The following GUCY1A1 variants were observed in gnomAD, a reference collection of about 807,000 sequenced individuals.
GUCY1A1 encodes guanylate cyclase soluble subunit alpha-1.
A neutral mutation model predicts 64.5 loss-of-function variants in GUCY1A1; 48 were observed. That is an observed-to-expected ratio of 0.74 (90% CI 0.59 to 0.95). The LOEUF is 0.95. GUCY1A1 is among the 40% of genes least tolerant of loss of function. The pLI is 0.00. For synonymous variants in GUCY1A1, 308 were observed against 303.4 expected, an observed-to-expected ratio of 1.02 and a Z score of -0.16; for missense variants, 804 against 825.3, an observed-to-expected ratio of 0.97 and a Z score of 0.32.
At chr4:155,714,535 C>T (rs575338112) in intron 7 of GUCY1A1, among the ~76,000 whole-genome samples, 2 of 152,276 alleles carry the variant, frequency 1.3e-5, no homozygotes, top group African/African-American at 4.8e-5. Flanking sequence ...ATTTAAATTA[C>T]TTTGCTTTCT....
intron 2 of GUCY1A1, among the ~76,000 whole-genome samples, chr4:155,683,012 A>G (rs914661617): frequency 1.8e-4 from 27 of 152,154 alleles, no homozygotes; most frequent in African/African-American, 6.5e-4. Flanking sequence ...TTGAGTGGCC[A>G]AATGATGGAT....
chr4:155,709,350 T>G (rs1464265715), intron 5 of GUCY1A1, among the ~76,000 whole-genome samples: 1 of 152,238 alleles, frequency 6.6e-6, no homozygotes, highest in Non-Finnish European at 1.5e-5. Flanking sequence ...TGTTAATTCT[T>G]TCTCCTATCT....
At chr4:155,711,293 C>A in intron 6 of GUCY1A1, 42 bp downstream of exon 6, 1 of 1,054,170 alleles carries the variant, frequency 9.5e-7, no homozygotes, top group Non-Finnish European at 1.4e-6. Flanking sequence ...AAAGCTATTT[C>A]ATATTTAAGA....
In GUCY1A1 at chr4:155,730,153, C is replaced by T. The variant is rs1735367245; in HGVS notation, c.1995C>T (p.Asn665=). The T allele has an allele frequency of 1.2e-6, 2 of 1,611,766 alleles. No individual in the cohort carries two copies. The highest frequency in any genetic ancestry group is 1.1e-5 in the South Asian group (1 of 91,022). ...TGGATGCTTACCAACAAGGAACAAA[C>T]TCAAAACCATGCTTCCAAAAGAAAG... The part of the protein sequence containing the change: ...HFLDAYQQGT[N]SKPCFQKKDV... The change falls in exon 10 of 10, where the codon AAC becomes AAT. Residue 665 remains asparagine (N), a synonymous_variant. Coordinates refer to ENST00000506455, the MANE Select transcript of GUCY1A1 (RefSeq NM_001130682.3).
intron 2 of GUCY1A1, among the ~76,000 whole-genome samples, chr4:155,681,588 C>T (rs1402723052): frequency 6.6e-6 from 1 of 152,210 alleles, no homozygotes; most frequent in Non-Finnish European, 1.5e-5. Flanking sequence ...TCCTTACCCT[C>T]TTCAGACTTG....
At chr4:155,679,980 A>G (rs926703283) in intron 2 of GUCY1A1, among the ~76,000 whole-genome samples, 4 of 152,162 alleles carry the variant, frequency 2.6e-5, no homozygotes, top group Admixed American at 2.0e-4. Context: ...TAAGTTTTGA[A>G]GCAGGTATAT....
Position 155,730,494 on chromosome 4 carries a change from C to T in GUCY1A1, c.*263C>T, listed in dbSNP as rs923367102. On this transcript the variant is annotated 3_prime_UTR_variant, in exon 10 of 10. Transcript: ENST00000506455. ...ATATAACCAGCACTTACTACCTGTA[C>T]TCAAAATTCAGCACCTTGTACATAT... 7 of 305,654 alleles carry T rather than the reference C, an allele frequency of 2.3e-5. No individual in the cohort carries two copies. The highest frequency in any genetic ancestry group is 1.8e-4 in the Admixed American group (4 of 21,924). 18.9% of individuals were successfully genotyped at this position (305,654 alleles called of 1,614,324 possible).
In GUCY1A1 at chr4:155,736,597, G is replaced by C. The variant is rs541681547; in HGVS notation, c.*6366G>C. On this transcript the variant is annotated 3_prime_UTR_variant, in exon 10 of 10. Coordinates refer to ENST00000506455, the MANE Select transcript of GUCY1A1 (RefSeq NM_001130682.3). Reference sequence around the variant, plus strand: ...ATAACTGACAAGTCTGTGATTTTTGGGTTAGATGAGACCACTTTTGATTTT... The same window carrying C: ...ATAACTGACAAGTCTGTGATTTTTGCGTTAGATGAGACCACTTTTGATTTT... 28 of 152,016 alleles carry C rather than the reference G, an allele frequency of 1.8e-4. No homozygotes were observed. The highest frequency in any genetic ancestry group is 6.5e-4 in the African/African-American group (27 of 41,498). 9.4% of individuals were successfully genotyped at this position (152,016 alleles called of 1,614,324 possible).
intron 3 of GUCY1A1, among the ~76,000 whole-genome samples, chr4:155,697,329 C>G (rs1037684708): frequency 6.6e-6 from 1 of 152,080 alleles, no homozygotes; most frequent in African/African-American, 2.4e-5. Flanking sequence ...ATCTTGAATT[C>G]TTTTCAAAAG....
At chr4:155,684,530 C>T (rs916392829) in intron 2 of GUCY1A1, among the ~76,000 whole-genome samples, 1 of 152,146 alleles carries the variant, frequency 6.6e-6, no homozygotes, top group African/African-American at 2.4e-5. Flanking sequence ...CCTGACTACC[C>T]ATCAATTACT....
intron 5 of GUCY1A1, among the ~76,000 whole-genome samples, chr4:155,709,077 T>TA (rs1459266952): frequency 6.6e-6 from 1 of 152,164 alleles, no homozygotes; most frequent in African/African-American, 2.4e-5. Flanking sequence ...TAAACAAATT[T>TA]AAAAAAATGA....
intron 6 of GUCY1A1, 143 bp from the exon 7 acceptor site, chr4:155,712,955 T>C (rs1732766823): frequency 1.6e-6 from 1 of 640,192 alleles, no homozygotes; most frequent in Admixed American, 2.9e-5. Context: ...TCATAGAAAA[T>C]AGGAACTATA....
chr4:155,709,512 A>G (rs1732257007), intron 5 of GUCY1A1, among the ~76,000 whole-genome samples: 1 of 152,200 alleles, frequency 6.6e-6, no homozygotes, highest in African/African-American at 2.4e-5. Context: ...TGCAGCTCTA[A>G]GAAACAAGTA....
chr4:155,682,324 T>C (rs1022355968), intron 2 of GUCY1A1, among the ~76,000 whole-genome samples: 2 of 152,332 alleles, frequency 1.3e-5, no homozygotes, highest in Middle Eastern at 3.4e-3. Flanking sequence ...TCTCTATCTT[T>C]ACTTATTCTC....
intron 2 of GUCY1A1, among the ~76,000 whole-genome samples, chr4:155,675,994 T>C (rs938700201): frequency 2.6e-5 from 4 of 151,496 alleles, no homozygotes; most frequent in Non-Finnish European, 5.9e-5. Context: ...TCCTTTGGGT[T>C]GATGCAATCT....
rs1361840188 is a variant in GUCY1A1, at chr4:155,732,075, A to G, written c.*1844A>G. ...CTCTTATTATGGGGAAATAATAGAAATAAAGAAAATGTAAAAGCATGAAAT... is the reference window on the plus strand; with the variant it reads ...CTCTTATTATGGGGAAATAATAGAAGTAAAGAAAATGTAAAAGCATGAAAT... On this transcript the variant is annotated 3_prime_UTR_variant, in exon 10 of 10. Coordinates refer to ENST00000506455, the MANE Select transcript of GUCY1A1 (RefSeq NM_001130682.3). 6.6e-6 allele frequency: 1 copy of G among 151,886 alleles called. No homozygotes were observed. Among genetic ancestry groups the G allele is most frequent in the Non-Finnish European group, 1.5e-5 (1 of 67,868 alleles). 9.4% of individuals were successfully genotyped at this position (151,886 alleles called of 1,614,324 possible). A position where few individuals can be genotyped will look rare whatever the true frequency, so the allele number is the denominator to read the frequency against.
At chr4:155,718,705 T>G (rs921033417) in intron 8 of GUCY1A1, among the ~76,000 whole-genome samples, 2 of 152,104 alleles carry the variant, frequency 1.3e-5, no homozygotes, top group Admixed American at 6.6e-5. Context: ...ATATGTATTT[T>G]TTATGAGGTG....
chr4:155,702,206 TGA>T (rs945811612), intron 3 of GUCY1A1, among the ~76,000 whole-genome samples: 3 of 152,290 alleles, frequency 2.0e-5, no homozygotes, highest in African/African-American at 7.2e-5. Context: ...GAAGAAAAAC[TGA>T]GAGCTCAGGC....
chr4:155,688,372 C>A (rs1403368090), intron 2 of GUCY1A1, among the ~76,000 whole-genome samples: 1 of 152,062 alleles, frequency 6.6e-6, no homozygotes, highest in Non-Finnish European at 1.5e-5. Context: ...ACTTCCAGGC[C>A]TTCCTGCCTG....
Sources: gnomAD v4.1 joint callset for allele counts (sites outside exome capture counted in the v4.1 genomes callset) on GRCh38, gnomAD v4.1.1 for gene constraint, MANE v1.5 for transcripts, NCBI Gene and HGNC (gene_info 2026-07-23, HGNC 2026-07-21) for gene names.